HS3ST5: variants seen among roughly 807,000 people sequenced by gnomAD.
HS3ST5 encodes heparan sulfate glucosamine 3-O-sulfotransferase 5.
HS3ST5 carries 10 observed loss-of-function variants against 25.4 expected under a neutral mutation model. The observed-to-expected ratio is 0.39, with a 90% CI of 0.24 to 0.67. The LOEUF is 0.67. Ranked by LOEUF, HS3ST5 falls within the 30% of genes least tolerant of loss-of-function variation. The pLI, the probability that HS3ST5 is intolerant of heterozygous loss-of-function variation, is 0.44. For synonymous variants in HS3ST5, 170 were observed against 162.4 expected (o/e 1.05, Z -0.36); for missense variants, 324 against 420.7 (o/e 0.77, Z 2.01).
intron 2 of HS3ST5, among the ~76,000 whole-genome samples, chr6:114,224,274 T>C (rs1782180177): frequency 6.6e-6 from 1 of 151,682 alleles, no homozygotes; most frequent in Non-Finnish European, 1.5e-5. Context: ...GTATTTTTTA[T>C]ATTTATTGAT....
intron 2 of HS3ST5, among the ~76,000 whole-genome samples, chr6:114,208,640 T>C (rs1316322407): frequency 6.6e-6 from 1 of 152,192 alleles, no homozygotes; most frequent in African/African-American, 2.4e-5. Flanking sequence ...TGAATCTGAC[T>C]GGTCCATAGA....
intron 3 of HS3ST5, among the ~76,000 whole-genome samples, chr6:114,066,897 T>A (rs1773482861): frequency 6.6e-6 from 1 of 152,166 alleles, no homozygotes; most frequent in South Asian, 2.1e-4. Context: ...CTCATCTATT[T>A]TTGGTTGTTC....
At chr6:114,306,504 T>G (rs1775304853) in intron 1 of HS3ST5, among the ~76,000 whole-genome samples, 1 of 151,748 alleles carries the variant, frequency 6.6e-6, no homozygotes, top group South Asian at 2.1e-4. Flanking sequence ...TAAAACATTG[T>G]TTTTTAGTGC....
At chr6:114,139,586 GTCTA>G (rs111648253) in intron 3 of HS3ST5, among the ~76,000 whole-genome samples, 3,566 of 152,220 alleles carry the variant, frequency 0.023, 140 homozygotes, top group African/African-American at 0.082. Flanking sequence ...CAAGATTCCT[GTCTA>G]TCTATTTAAA....
chr6:114,088,574 A>G (rs1774966307), intron 3 of HS3ST5, among the ~76,000 whole-genome samples: 1 of 152,118 alleles, frequency 6.6e-6, no homozygotes, highest in African/African-American at 2.4e-5. Flanking sequence ...TTACGTTATA[A>G]GTACTTAGAA....
intron 1 of HS3ST5, among the ~76,000 whole-genome samples, chr6:114,246,475 A>G (rs1458672047): frequency 2.0e-5 from 3 of 152,230 alleles, no homozygotes; most frequent in South Asian, 4.1e-4. Context: ...GGCTTCAACA[A>G]CAATGTTCAA....
intron 3 of HS3ST5, among the ~76,000 whole-genome samples, chr6:114,139,432 G>A (rs889192601): frequency 4.6e-5 from 7 of 151,870 alleles, no homozygotes; most frequent in East Asian, 1.9e-4. Flanking sequence ...CAGAGTGTGC[G>A]TTTGTTGATC....
intron 1 of HS3ST5, among the ~76,000 whole-genome samples, chr6:114,280,624 T>TA: frequency 6.6e-6 from 1 of 152,172 alleles, no homozygotes; most frequent in South Asian, 2.1e-4. Context: ...ATGGTGTATT[T>TA]AAAGTTGATT....
At chr6:114,144,675 A>G (rs1184221380) in intron 3 of HS3ST5, among the ~76,000 whole-genome samples, 2 of 152,208 alleles carry the variant, frequency 1.3e-5, no homozygotes, top group African/African-American at 4.8e-5. Context: ...CCCCTGCTGG[A>G]CAGGAAAGGC....
At chr6:114,167,561 G>A (rs1033667018) in intron 3 of HS3ST5, 3 of 152,116 alleles carry the variant, frequency 2.0e-5, no homozygotes, top group Non-Finnish European at 2.9e-5. Flanking sequence ...GTAATTGGCT[G>A]AGCAGGATCT....
chr6:114,128,522 C>T (rs1447511152), intron 3 of HS3ST5, among the ~76,000 whole-genome samples: 1 of 152,094 alleles, frequency 6.6e-6, no homozygotes, highest in African/African-American at 2.4e-5. Flanking sequence ...ATCTTACACA[C>T]TAGTAGAAAC....
chr6:114,226,409 G>T (rs1220339846), intron 2 of HS3ST5, among the ~76,000 whole-genome samples: 1 of 151,844 alleles, frequency 6.6e-6, no homozygotes, highest in South Asian at 2.1e-4. Context: ...AATCTTCAAT[G>T]TTCATCTTGG....
At chr6:114,265,436 T>C (rs975885528) in intron 1 of HS3ST5, among the ~76,000 whole-genome samples, 1 of 152,134 alleles carries the variant, frequency 6.6e-6, no homozygotes, top group Non-Finnish European at 1.5e-5. Context: ...CAAACACTTC[T>C]TTCAAGTAGC....
rs1241500246 is a variant in HS3ST5 at position 114,056,626 on chromosome 6, CA to C, written c.*630del. The stretch of plus-strand genomic sequence containing the variant: ...GACATTTCTCTCTGTTGACATACAA[CA>C]TGGAAGTAAAAGGACTTGACTTTCC... On this transcript the variant is annotated 3_prime_UTR_variant, in exon 5 of 5. Coordinates refer to ENST00000312719, the MANE Select transcript of HS3ST5 (RefSeq NM_153612.4). 1 of 152,172 alleles carries C rather than the reference CA, an allele frequency of 6.6e-6. No homozygotes were observed. Among genetic ancestry groups the C allele is most frequent in the African/African-American group, 2.4e-5 (1 of 41,432 alleles). 9.4% of individuals were successfully genotyped at this position (152,172 alleles called of 1,614,324 possible).
At chr6:114,142,215 A>C (rs1158816161) in intron 3 of HS3ST5, among the ~76,000 whole-genome samples, 4 of 152,116 alleles carry the variant, frequency 2.6e-5, no homozygotes, top group Non-Finnish European at 5.9e-5. Flanking sequence ...CTCTGTATAG[A>C]ATTCTTTAGA....
intron 3 of HS3ST5, among the ~76,000 whole-genome samples, chr6:114,101,046 T>C (rs571002022): frequency 6.6e-6 from 1 of 152,320 alleles, no homozygotes; most frequent in South Asian, 2.1e-4. Context: ...TTTCTGTCTT[T>C]TTTTCTAAAA....
At chr6:114,098,011 C>A (rs1464862379) in intron 3 of HS3ST5, among the ~76,000 whole-genome samples, 1 of 151,934 alleles carries the variant, frequency 6.6e-6, no homozygotes, top group Admixed American at 6.6e-5. Flanking sequence ...ACATTTACTT[C>A]TCTACTTCTT....
intron 2 of HS3ST5, among the ~76,000 whole-genome samples, chr6:114,185,887 C>A (rs1392143690): frequency 6.6e-6 from 1 of 151,952 alleles, no homozygotes; most frequent in African/African-American, 2.4e-5. Flanking sequence ...TAAAGGCACA[C>A]ATTACTTTGC....
chr6:114,131,666 C>A (rs1777339617), intron 3 of HS3ST5, among the ~76,000 whole-genome samples: 1 of 152,180 alleles, frequency 6.6e-6, no homozygotes, highest in African/African-American at 2.4e-5. Flanking sequence ...GTAGACTTTG[C>A]TCTTGGGCCT....
Sources: gnomAD v4.1 joint callset for allele counts (sites outside exome capture counted in the v4.1 genomes callset) on GRCh38, gnomAD v4.1.1 for gene constraint, MANE v1.5 for transcripts, NCBI Gene and HGNC (gene_info 2026-07-23, HGNC 2026-07-21) for gene names.